Variants in ERC2 observed in about 807,000 individuals in gnomAD.
The protein encoded by ERC2 is ERC protein 2.
Under a neutral mutation model 114.8 loss-of-function variants are expected in ERC2, and 42 were observed. The observed-to-expected ratio is 0.37, with a 90% CI of 0.29 to 0.47. ERC2 has a LOEUF of 0.47. Among genes scored for constraint, ERC2 ranks in the 20% least tolerant of loss-of-function variants. The probability of loss-of-function intolerance (pLI) is 0.99; values close to 1 mark genes in which losing one functional copy is unlikely to be tolerated. For synonymous variants in ERC2, 454 were observed against 425.5 expected (o/e 1.07, Z -0.82); for missense variants, 939 against 1,150.7 (o/e 0.82, Z 2.66).
rs2057370846 is a variant in ERC2 at position 56,326,546 on chromosome 3, C to A, written c.658-30111G>T. ...TGTTCTCCAGAACCACCTTGAATTA[C>A]TTATTAATCCTGTACATGCAGGTGT... is the stretch of plus-strand genomic sequence containing the variant. On this transcript the variant is annotated intron_variant, in intron 2 of 17. Transcript: ENST00000288221. Among the ~76,000 whole-genome samples, 3 of 152,234 alleles carry A rather than the reference C, an allele frequency of 2.0e-5. 1 individual carries two copies. The South Asian group carries it at 6.2e-4, about 32-fold the overall frequency.
At chr3:55,704,907 T>C (rs1443794211) in intron 15 of ERC2, among the ~76,000 whole-genome samples, 1 of 152,186 alleles carries the variant, frequency 6.6e-6, no homozygotes, top group Non-Finnish European at 1.5e-5. Flanking sequence ...TGGCCAGCAT[T>C]CTCCTGCTGA....
At chr3:55,715,214 C>T (rs1251299309) in intron 15 of ERC2, among the ~76,000 whole-genome samples, 2 of 152,146 alleles carry the variant, frequency 1.3e-5, no homozygotes, top group African/African-American at 2.4e-5. Flanking sequence ...GTTCCCAAGA[C>T]CCTGTCAGGC....
chr3:55,997,372 G>T (rs555693630), intron 10 of ERC2, among the ~76,000 whole-genome samples: 105 of 151,748 alleles, frequency 6.9e-4, no homozygotes, highest in Middle Eastern at 3.2e-3. Context: ...GCAGAACAGG[G>T]TATAGAAACT....
chr3:56,284,351 G>A (rs994437905), intron 3 of ERC2, among the ~76,000 whole-genome samples: 12 of 152,198 alleles, frequency 7.9e-5, no homozygotes, highest in Admixed American at 7.2e-4. Context: ...GCCTTGACTT[G>A]AGCTGTAGTG....
chr3:56,228,105 G>A (rs2050372310), intron 3 of ERC2, among the ~76,000 whole-genome samples: 1 of 152,134 alleles, frequency 6.6e-6, no homozygotes, highest in African/African-American at 2.4e-5. Flanking sequence ...TGATGGGGAG[G>A]GGCATAGTGG....
At chr3:56,185,758 T>C (rs979034916) in intron 3 of ERC2, among the ~76,000 whole-genome samples, 1 of 152,216 alleles carries the variant, frequency 6.6e-6, no homozygotes, top group Admixed American at 6.5e-5. Flanking sequence ...TTTGTATTTG[T>C]AATTAAGATT....
At chr3:55,793,574 C>A (rs185434135) in intron 14 of ERC2, among the ~76,000 whole-genome samples, 1 of 152,136 alleles carries the variant, frequency 6.6e-6, no homozygotes, top group African/African-American at 2.4e-5. Flanking sequence ...TTTCACAACT[C>A]ATGTTATTTT....
intron 17 of ERC2, among the ~76,000 whole-genome samples, chr3:55,671,487 A>G (rs536114332): frequency 6.6e-6 from 1 of 152,212 alleles, no homozygotes; most frequent in Non-Finnish European, 1.5e-5. Flanking sequence ...TCATCGGCAC[A>G]GGAGAGGAAA....
intron 2 of ERC2, among the ~76,000 whole-genome samples, chr3:56,325,130 G>A (rs921268515): frequency 6.6e-6 from 1 of 151,914 alleles, no homozygotes; most frequent in East Asian, 1.9e-4. Flanking sequence ...TATGAGGGCA[G>A]GGATTTGACT....
intron 14 of ERC2, among the ~76,000 whole-genome samples, chr3:55,738,891 C>T (rs1350618656): frequency 6.6e-6 from 1 of 152,114 alleles, no homozygotes. Flanking sequence ...AGGTATTTCC[C>T]TAATGCTCTC....
intron 3 of ERC2, among the ~76,000 whole-genome samples, chr3:56,190,668 G>A (rs900090466): frequency 6.6e-6 from 1 of 151,968 alleles, no homozygotes; most frequent in South Asian, 2.1e-4. Flanking sequence ...CAAATTCCTG[G>A]GTTCAAGTGA....
intron 14 of ERC2, among the ~76,000 whole-genome samples, chr3:55,756,097 T>A (rs1001428013): frequency 6.6e-6 from 1 of 152,182 alleles, no homozygotes; most frequent in Non-Finnish European, 1.5e-5. Context: ...TAAGTGGCTA[T>A]AATTTGGCAG....
chr3:56,213,183 C>T (rs764715218), intron 3 of ERC2, among the ~76,000 whole-genome samples: 17 of 152,084 alleles, frequency 1.1e-4, no homozygotes, highest in Non-Finnish European at 2.2e-4. Context: ...ACAGTGGGTG[C>T]GGTGCACCGA....
chr3:56,033,038 A>AAAAAGAAAC (rs1560058375), intron 7 of ERC2, among the ~76,000 whole-genome samples: 2 of 74,526 alleles, frequency 2.7e-5, no homozygotes, highest in South Asian at 9.3e-4. Context: ...AACAGAAAGA[A>AAAAAGAAAC]AGAAAGAAAG....
At chr3:56,321,768 C>G (rs1289133767) in intron 2 of ERC2, among the ~76,000 whole-genome samples, 1 of 152,186 alleles carries the variant, frequency 6.6e-6, no homozygotes, top group Non-Finnish European at 1.5e-5. Context: ...GTTTAGATCA[C>G]CCATAAGGCC....
intron 12 of ERC2, among the ~76,000 whole-genome samples, chr3:55,965,300 C>A (rs1037497632): frequency 1.9e-4 from 29 of 152,202 alleles, no homozygotes; most frequent in African/African-American, 6.5e-4. Context: ...TAGCCATGAG[C>A]CACATGTGAC....
chr3:55,715,669 C>T (rs979145866), intron 15 of ERC2, among the ~76,000 whole-genome samples: 1 of 151,886 alleles, frequency 6.6e-6, no homozygotes, highest in African/African-American at 2.4e-5. Context: ...TGGGAAATAA[C>T]CCATTAAAAG....
intron 14 of ERC2, among the ~76,000 whole-genome samples, chr3:55,755,000 G>A (rs1483165694): frequency 1.3e-5 from 2 of 152,002 alleles, no homozygotes; most frequent in African/African-American, 4.8e-5. Context: ...CTGATATGGA[G>A]GCACAAATTA....
rs146790905 is a variant in ERC2 at position 55,941,607 on chromosome 3, A to T, written c.2403+8818T>A. 2.6e-3 allele frequency among the ~76,000 whole-genome samples: 396 copies of T among 152,310 alleles called. 2 individuals are homozygous for T. Among genetic ancestry groups the T allele is most frequent in the African/African-American group, 9.2e-3 (381 of 41,558 alleles). ...TCAGAGTCTCAATTTCCCAGGGAAC[A>T]CAACTGAAGACATTATCCTTGGCCT... On this transcript the variant is annotated intron_variant, in intron 13 of 17. Coordinates refer to ENST00000288221, the MANE Select transcript of ERC2 (RefSeq NM_015576.3).
Sources: gnomAD v4.1 joint callset for allele counts (sites outside exome capture counted in the v4.1 genomes callset) on GRCh38, gnomAD v4.1.1 for gene constraint, MANE v1.5 for transcripts, NCBI Gene and HGNC (gene_info 2026-07-23, HGNC 2026-07-21) for gene names.